CLTCL1: variants seen among roughly 807,000 people sequenced by gnomAD.
CLTCL1 encodes clathrin heavy chain 2.
A neutral mutation model predicts 190.0 loss-of-function variants in CLTCL1; 159 were observed. The observed-to-expected ratio is 0.84, with a 90% confidence interval of 0.74 to 0.95. The LOEUF (loss-of-function observed/expected upper bound fraction) is 0.95, where lower values mean the gene tolerates loss of function less well. CLTCL1 is among the 40% of genes least tolerant of loss of function. The pLI is 0.00. For synonymous variants in CLTCL1, 752 were observed against 769.6 expected (o/e 0.98, Z 0.38); for missense variants, 1,878 against 2,033.4 (o/e 0.92, Z 1.47).
intron 1 of CLTCL1, among the ~76,000 whole-genome samples, chr22:19,290,838 G>C (rs1254165864): frequency 6.6e-6 from 1 of 152,190 alleles, no homozygotes; most frequent in Non-Finnish European, 1.5e-5. Flanking sequence ...AAAAGAGTAA[G>C]CGAATCGCAA....
At chr22:19,259,627 C>A (rs1333441145) in intron 2 of CLTCL1, among the ~76,000 whole-genome samples, 1 of 152,148 alleles carries the variant, frequency 6.6e-6, no homozygotes, top group Non-Finnish European at 1.5e-5. Flanking sequence ...ATGAACCACA[C>A]ACATATAAGA....
At chr22:19,259,047 G>T (rs2086857686) in intron 2 of CLTCL1, among the ~76,000 whole-genome samples, 1 of 152,062 alleles carries the variant, frequency 6.6e-6, no homozygotes, top group African/African-American at 2.4e-5. Context: ...GAAAATATAG[G>T]CATACCTCAC....
intron 2 of CLTCL1, among the ~76,000 whole-genome samples, chr22:19,256,655 G>A (rs922603069): frequency 1.3e-5 from 2 of 150,864 alleles, no homozygotes; most frequent in Non-Finnish European, 2.9e-5. Context: ...ACCATGCCCA[G>A]TCTAATTTTT....
chr22:19,246,854 C>G (rs1555968206), intron 3 of CLTCL1, among the ~76,000 whole-genome samples: 1 of 152,076 alleles, frequency 6.6e-6, no homozygotes, highest in Non-Finnish European at 1.5e-5. Context: ...ACTGGGTTGA[C>G]TTTTTGTTGT....
Position 19,291,584 on chromosome 22 carries a change from G to A in CLTCL1, c.42+16C>T. On this transcript the variant is annotated intron_variant, in intron 1 of 32. Transcript: ENST00000427926. The stretch of plus-strand genomic sequence containing the variant: ...GCGCGGCTGACAGGGCAGCCCCCCA[G>A]CCCGCCGGGCCTCACCTGGAAGTGC... 7.3e-7 allele frequency: 1 copy of A among 1,373,234 alleles called. No homozygotes were observed. Among genetic ancestry groups the A allele is most frequent in the Non-Finnish European group, 9.5e-7 (1 of 1,049,752 alleles). The allele number at this position is 1,373,234 out of a possible 1,614,324, so 85.1% of individuals were successfully genotyped here.
At chr22:19,207,477 G>A in intron 22 of CLTCL1, 1 of 400,412 alleles carries the variant, frequency 2.5e-6, no homozygotes, top group Middle Eastern at 6.3e-4. Flanking sequence ...AAATTCCATG[G>A]GTCTCAATTT....
chr22:19,192,312 A>C (rs1555932841), intron 26 of CLTCL1, among the ~76,000 whole-genome samples: 1 of 151,920 alleles, frequency 6.6e-6, no homozygotes, highest in Non-Finnish European at 1.5e-5. Context: ...TGATCTCCCC[A>C]CCTCAGCCTC....
At chr22:19,193,914 T>A (rs142119271) in intron 26 of CLTCL1, among the ~76,000 whole-genome samples, 3 of 152,170 alleles carry the variant, frequency 2.0e-5, no homozygotes, top group Non-Finnish European at 2.9e-5. Context: ...GCAAGACTGA[T>A]TGTGAAAAGC....
chr22:19,193,815 A>C (rs1157659164), intron 26 of CLTCL1, among the ~76,000 whole-genome samples: 1 of 152,200 alleles, frequency 6.6e-6, no homozygotes, highest in Non-Finnish European at 1.5e-5. Context: ...TGGGTTCGTG[A>C]TCTGGCTGAC....
At position 19,232,519 on chromosome 22, in the gene CLTCL1, C is replaced by T. The variant is rs375606431; in HGVS notation, c.1601G>A (p.Arg534Gln). 1.7e-5 allele frequency: 27 copies of T among 1,613,870 alleles called. No individual in the cohort carries two copies. Among genetic ancestry groups the T allele is most frequent in the South Asian group, 1.2e-4 (11 of 91,084 alleles). ...CGGCTCCTCGTCCTGCACTAGCATT[C>T]GAGAAAACTGCAGGCCCTGTTCCGG... ...ISPEQGLQFS[R>Q]MLVQDEEPLA... The change falls in exon 10 of 33, where the codon CGA (arginine) becomes CAA (glutamine). Residue 534 changes from arginine to glutamine, a missense_variant. By Grantham distance (43) the Arg-to-Gln change is conservative. Coordinates refer to ENST00000427926, the MANE Select transcript of CLTCL1 (RefSeq NM_007098.4).
Position 19,198,567 on chromosome 22 carries a change from A to T in CLTCL1, c.3873+1167T>A, listed in dbSNP as rs1316313893. On this transcript the variant is annotated intron_variant, in intron 24 of 32. Transcript: ENST00000427926. This position sits in a 1 kb window ranked among gnomAD's most constrained non-coding sequence, Gnocchi z 4.1. ...GCCTCAGGACTTTGCCTGGCCACTG[A>T]CCCTTCCCTCAAATGTTCCCATGAC... is the stretch of plus-strand genomic sequence containing the variant. Among the ~76,000 whole-genome samples, 1 of 151,600 alleles carries T rather than the reference A, an allele frequency of 6.6e-6. No homozygotes were observed. The highest frequency in any genetic ancestry group is 1.5e-5 in the Non-Finnish European group (1 of 67,910).
intron 5 of CLTCL1, among the ~76,000 whole-genome samples, chr22:19,237,926 T>C (rs2145914352): frequency 6.6e-6 from 1 of 152,268 alleles, no homozygotes; most frequent in South Asian, 2.1e-4. Flanking sequence ...TTATTAGAAA[T>C]GTACAGATAA....
chr22:19,209,052 C>T lies in CLTCL1; in HGVS notation c.3312G>A (p.Glu1104=). The T allele has an allele frequency of 1.2e-6, 2 of 1,610,156 alleles. No individual in the cohort carries two copies. The highest frequency in any genetic ancestry group is 1.1e-5 in the South Asian group (1 of 90,222). ...RAYEFAERCN[E]PAVWSQLAQA... The stretch of plus-strand genomic sequence containing the variant: ...GGGCCAGCTGACTCCACACAGCAGG[C>T]TCATTGCATCTCTCCGCAAACTCAT... The change falls in exon 21 of 33, where the codon GAG becomes GAA. Residue 1104 remains glutamate (E), a synonymous_variant. Coordinates refer to ENST00000427926, the MANE Select transcript of CLTCL1 (RefSeq NM_007098.4).
At chr22:19,216,437 T>C (rs2085387340) in intron 18 of CLTCL1, among the ~76,000 whole-genome samples, 181 bp from the exon 19 acceptor site, 1 of 152,246 alleles carries the variant, frequency 6.6e-6, no homozygotes, top group Admixed American at 6.5e-5. Flanking sequence ...TTCTGTTTGC[T>C]CTGTTTTGAC....
At chr22:19,207,708 T>C (rs1007970819) in intron 22 of CLTCL1, 2 of 478,556 alleles carry the variant, frequency 4.2e-6, no homozygotes, top group Non-Finnish European at 7.3e-6. Flanking sequence ...CTTGCATTAC[T>C]GCCTGAGCTC....
At position 19,183,385 on chromosome 22, in the gene CLTCL1, C is replaced by A. The variant is rs2084204720; in HGVS notation, c.4827+5G>T. The stretch of plus-strand genomic sequence containing the variant: ...CCGGGGAGCTGCAGCCGGCCCGGCA[C>A]CTACCTTGCTCAGGTACTCCCTCAT... On this transcript the variant is annotated splice_donor_5th_base_variant and intron_variant, in intron 30 of 32. Transcript: ENST00000427926. 3 of 1,612,274 alleles carry A rather than the reference C, an allele frequency of 1.9e-6. No homozygotes were observed. The highest frequency in any genetic ancestry group is 2.5e-6 in the Non-Finnish European group (3 of 1,179,280).
chr22:19,238,151 G>A (rs559420792), intron 5 of CLTCL1, among the ~76,000 whole-genome samples: 1 of 152,244 alleles, frequency 6.6e-6, no homozygotes, highest in East Asian at 1.9e-4. Context: ...ATGCAGTGGT[G>A]TGATCTTGCC....
chr22:19,254,340 T>A (rs782454099), intron 2 of CLTCL1, 113 bp from the exon 3 acceptor site: 30 of 899,800 alleles, frequency 3.3e-5, no homozygotes, highest in Non-Finnish European at 4.8e-5. Context: ...GTACTGCTAA[T>A]CTGATTAACA....
Position 19,179,977 on chromosome 22 carries a change from G to T in CLTCL1, c.*21-8C>A, listed in dbSNP as rs957746672. The T allele has an allele frequency of 5.2e-5, 30 of 578,624 alleles. No homozygotes were observed. Among genetic ancestry groups the T allele is most frequent in the Non-Finnish European group, 8.6e-5 (28 of 325,004 alleles). The allele number at this position is 578,624 out of a possible 1,614,324, so 35.8% of individuals were successfully genotyped here. A position where few individuals can be genotyped will look rare whatever the true frequency, so the allele number is the denominator to read the frequency against. On this transcript the variant is annotated splice_polypyrimidine_tract_variant and splice_region_variant and intron_variant, in intron 32 of 32. Coordinates refer to ENST00000427926, the MANE Select transcript of CLTCL1 (RefSeq NM_007098.4). ...CTGGGCCCACGGCAGGGCCTGCAGA[G>T]GGGGAAGCCCACAATGAGCAGAGCT...
Sources: allele counts gnomAD v4.1 joint callset (sites outside exome capture counted in the v4.1 genomes callset), GRCh38; gene constraint gnomAD v4.1.1; non-coding constraint Gnocchi (gnomAD v3.1); transcripts MANE v1.5; gene names NCBI Gene and HGNC (gene_info 2026-07-23, HGNC 2026-07-21).